FARS2: variants seen among roughly 807,000 people sequenced by gnomAD.
The protein encoded by FARS2 is phenylalanyl-tRNA synthetase 2, mitochondrial, also known as phenylalanine--tRNA ligase, mitochondrial.
FARS2 carries 40 observed loss-of-function variants against 46.4 expected under a neutral mutation model. The ratio of observed to expected loss-of-function variants is 0.86; its 90% confidence interval spans 0.67 to 1.12. The LOEUF is 1.12. Ranked by LOEUF, FARS2 falls within the 50% of genes most tolerant of loss-of-function variation. The pLI is 0.00. For missense variants in FARS2, 513 were observed against 567.9 expected, an observed-to-expected ratio of 0.90 and a Z score of 0.98; for synonymous variants, 234 against 214.9, an observed-to-expected ratio of 1.09 and a Z score of -0.78.
intron 4 of FARS2, 132 bp from the exon 5 acceptor site, chr6:5,545,048 T>C (rs1007950136): frequency 5.2e-6 from 4 of 762,130 alleles, no homozygotes; most frequent in Non-Finnish European, 8.7e-6. Flanking sequence ...TGGATGTCTT[T>C]GTAGCGGCTG....
intron 3 of FARS2, among the ~76,000 whole-genome samples, chr6:5,406,553 G>T (rs1291904924): frequency 6.6e-6 from 1 of 151,932 alleles, no homozygotes; most frequent in Non-Finnish European, 1.5e-5. Context: ...TTTTTGTCTG[G>T]CTTGTTTTAC....
chr6:5,516,751 T>C (rs1768820758), intron 4 of FARS2, among the ~76,000 whole-genome samples: 1 of 152,224 alleles, frequency 6.6e-6, no homozygotes, highest in Non-Finnish European at 1.5e-5. Context: ...ATAAAAGAGC[T>C]GTGTATCTTT....
intron 6 of FARS2, among the ~76,000 whole-genome samples, chr6:5,652,889 C>T (rs181549906): frequency 1.1e-3 from 172 of 152,320 alleles, no homozygotes; most frequent in African/African-American, 3.9e-3. Flanking sequence ...AGGCAGTGAT[C>T]GTGTCCAGGA....
rs1462349150 is a variant in FARS2 at position 5,607,281 on chromosome 6, ATGTATG to A, written c.1066-5884_1066-5879del. On this transcript the variant is annotated intron_variant, in intron 5 of 6. Transcript: ENST00000274680. ...TTGGAACAATTTATTAAAGAATAAT[ATGTATG>A]TGTGTGTGTGTGTGTGTGTGTGTGT... Among the ~76,000 whole-genome samples the A allele has an allele frequency of 8.9e-4, 131 of 147,486 alleles. 1 individual carries two copies. Among genetic ancestry groups the A allele is most frequent in the African/African-American group, 3.2e-3 (126 of 39,226 alleles).
At chr6:5,409,336 G>A (rs934626025) in intron 3 of FARS2, among the ~76,000 whole-genome samples, 3 of 151,850 alleles carry the variant, frequency 2.0e-5, no homozygotes, top group African/African-American at 4.8e-5. Context: ...CTGTAGTCCC[G>A]GCTACTCAGG....
chr6:5,738,743 A>G (rs796988996), intron 6 of FARS2, among the ~76,000 whole-genome samples: 2 of 150,322 alleles, frequency 1.3e-5, no homozygotes, highest in South Asian at 4.3e-4. Context: ...AACAGTTAAA[A>G]TAAAAAAACT....
chr6:5,567,298 T>A (rs1772379133), intron 5 of FARS2, among the ~76,000 whole-genome samples: 1 of 152,256 alleles, frequency 6.6e-6, no homozygotes, highest in Non-Finnish European at 1.5e-5. Context: ...TTGTTGGCCA[T>A]TTGAATATCA....
intron 1 of FARS2, among the ~76,000 whole-genome samples, chr6:5,302,901 G>A (rs1197086804): frequency 6.6e-6 from 1 of 152,148 alleles, no homozygotes; most frequent in Non-Finnish European, 1.5e-5. Context: ...CGATGGACAG[G>A]GTTAGTGGAG....
chr6:5,258,657 G>T (rs907660201), upstream of FARS2, among the ~76,000 whole-genome samples: 11 of 152,318 alleles, frequency 7.2e-5, no homozygotes, highest in East Asian at 2.1e-3. Context: ...TAGCAGGAAT[G>T]TCGGTTTTTA....
At chr6:5,341,096 C>T (rs746623022) in intron 1 of FARS2, among the ~76,000 whole-genome samples, 31 of 148,284 alleles carry the variant, frequency 2.1e-4, no homozygotes, top group African/African-American at 6.4e-4. Context: ...TGCAGTGAGC[C>T]GAGATCGTGC....
chr6:5,415,305 CTTTTCTTTTT>C (rs1762167381), intron 3 of FARS2, among the ~76,000 whole-genome samples: 1 of 91,584 alleles, frequency 1.1e-5, no homozygotes. Context: ...ATTTTCTTTT[CTTTTCTTTTT>C]TTTTTTTTTT....
chr6:5,710,024 G>A (rs13191165), intron 6 of FARS2, among the ~76,000 whole-genome samples: 61,944 of 152,048 alleles, frequency 0.41, 15,422 homozygotes, highest in Non-Finnish European at 0.57. Flanking sequence ...TTTAAAACCC[G>A]TGGTGGCTGC....
At chr6:5,310,296 T>TA (rs1417133900) in intron 1 of FARS2, among the ~76,000 whole-genome samples, 2 of 151,696 alleles carry the variant, frequency 1.3e-5, no homozygotes, top group Non-Finnish European at 2.9e-5. Flanking sequence ...AAAACATGAG[T>TA]AGATTTATTA....
intron 1 of FARS2, among the ~76,000 whole-genome samples, chr6:5,367,419 T>C (rs1758756552): frequency 6.6e-6 from 1 of 152,136 alleles, no homozygotes; most frequent in African/African-American, 2.4e-5. Context: ...ATCTCAAGAC[T>C]CTCCTTATTG....
intron 5 of FARS2, among the ~76,000 whole-genome samples, chr6:5,586,820 T>G (rs1184026053): frequency 1.3e-5 from 2 of 152,164 alleles, no homozygotes; most frequent in Non-Finnish European, 2.9e-5. Context: ...GTTTCTGTTT[T>G]AAAGACTGTT....
intron 6 of FARS2, among the ~76,000 whole-genome samples, chr6:5,728,958 A>G (rs1299469169): frequency 2.0e-5 from 3 of 152,188 alleles, no homozygotes; most frequent in Non-Finnish European, 2.9e-5. Flanking sequence ...CCTTGTCCCC[A>G]GCACTGGCTG....
chr6:5,444,888 T>C (rs146102217), intron 4 of FARS2, among the ~76,000 whole-genome samples: 4 of 152,368 alleles, frequency 2.6e-5, no homozygotes, highest in East Asian at 1.9e-4. Context: ...GGGAAGCACA[T>C]TGGCCTCAGA....
chr6:5,300,569 T>C (rs1375672322), intron 1 of FARS2, among the ~76,000 whole-genome samples: 1 of 152,166 alleles, frequency 6.6e-6, no homozygotes, highest in Non-Finnish European at 1.5e-5. Flanking sequence ...AGGTGACAGG[T>C]GTCTGTGTGG....
At chr6:5,287,683 T>A (rs1240381218) in intron 1 of FARS2, among the ~76,000 whole-genome samples, 1 of 152,206 alleles carries the variant, frequency 6.6e-6, no homozygotes, top group Non-Finnish European at 1.5e-5. Flanking sequence ...CCTCATAGAA[T>A]GCCACAAATT....
Sources: gnomAD v4.1 joint callset for allele counts (sites outside exome capture counted in the v4.1 genomes callset) on GRCh38, gnomAD v4.1.1 for gene constraint, MANE v1.5 for transcripts, NCBI Gene and HGNC (gene_info 2026-07-23, HGNC 2026-07-21) for gene names.